SNX15: variants seen among roughly 807,000 people sequenced by gnomAD.
SNX15 encodes sorting nexin-15.
Under a neutral mutation model 35.2 loss-of-function variants are expected in SNX15, and 29 were observed. The ratio of observed to expected loss-of-function variants is 0.82; its 90% CI spans 0.61 to 1.12. SNX15 has a LOEUF of 1.12. Among genes scored for constraint, SNX15 ranks in the 50% most tolerant of loss-of-function variants. SNX15 has a pLI of 0.00. For missense variants in SNX15, 400 were observed against 451.5 expected, an observed-to-expected ratio of 0.89 and a Z score of 1.03; for synonymous variants, 189 against 188.2, an observed-to-expected ratio of 1.00 and a Z score of -0.03.
intron 7 of SNX15, among the ~76,000 whole-genome samples, 200 bp downstream of exon 7, chr11:65,039,029 CTTTTTT>C (rs747153458): frequency 2.8e-5 from 2 of 72,528 alleles, no homozygotes; most frequent in African/African-American, 4.6e-5. Context: ...TCTTCTTCCT[CTTTTTT>C]TTTTTTTTTT....
chr11:65,034,683 C>T (rs1258397577), intron 3 of SNX15, among the ~76,000 whole-genome samples, 164 bp from the exon 4 acceptor site: 1 of 152,124 alleles, frequency 6.6e-6, no homozygotes, highest in African/African-American at 2.4e-5. Flanking sequence ...CCTGGAAGCC[C>T]CTACCTCACC....
chr11:65,035,751 C>A, intron 6 of SNX15, 88 bp downstream of exon 6: 1 of 1,361,636 alleles, frequency 7.3e-7, no homozygotes, highest in Non-Finnish European at 1.0e-6. Flanking sequence ...CTGCTCAGTG[C>A]CTGCGCAGAT....
At chr11:65,028,931 A>G (rs1946406774) in intron 1 of SNX15, among the ~76,000 whole-genome samples, 1 of 151,654 alleles carries the variant, frequency 6.6e-6, no homozygotes, top group Non-Finnish European at 1.5e-5. Flanking sequence ...ATCTCTACTA[A>G]AAATACAAAA....
intron 3 of SNX15, 64 bp from the exon 4 acceptor site, chr11:65,034,783 C>T: frequency 7.7e-7 from 1 of 1,306,142 alleles, no homozygotes; most frequent in South Asian, 1.2e-5. Flanking sequence ...GAAAAGTGGC[C>T]TTGGGGCAGA....
chr11:65,035,275 C>T, intron 5 of SNX15, 69 bp downstream of exon 5: 3 of 1,403,368 alleles, frequency 2.1e-6, no homozygotes, highest in East Asian at 4.8e-5. Context: ...CACACTCCCT[C>T]CTCAGTGATC....
chr11:65,029,930 A>C (rs941079942), intron 1 of SNX15, among the ~76,000 whole-genome samples: 2 of 151,854 alleles, frequency 1.3e-5, no homozygotes, highest in Non-Finnish European at 2.9e-5. Flanking sequence ...TCTGTCACCC[A>C]CGCTGGTGTG....
At chr11:65,035,740 C>T (rs1946495139) in intron 6 of SNX15, 77 bp downstream of exon 6, 7 of 1,459,834 alleles carry the variant, frequency 4.8e-6, no homozygotes, top group African/African-American at 1.4e-5. Flanking sequence ...GCCCCACTAG[C>T]CTGCTCAGTG....
At chr11:65,036,936 G>C (rs1449845625) in intron 6 of SNX15, 1 of 152,196 alleles carries the variant, frequency 6.6e-6, no homozygotes, top group Non-Finnish European at 1.5e-5. Flanking sequence ...CCGCCTCCCA[G>C]AGTGCTGAGA....
At chr11:65,031,312 C>G (rs960026178) in intron 1 of SNX15, among the ~76,000 whole-genome samples, 1 of 152,236 alleles carries the variant, frequency 6.6e-6, no homozygotes, top group Admixed American at 6.5e-5. Flanking sequence ...GTGTGAGCCA[C>G]CGTGCCTGGC....
Position 65,039,824 on chromosome 11 carries a change from T to G in SNX15, c.*32T>G. The G allele has an allele frequency of 2.1e-6, 3 of 1,428,382 alleles. No individual in the cohort carries two copies. The South Asian group carries it at 3.6e-5, about 17-fold the overall frequency. 88.5% of individuals were successfully genotyped at this position (1,428,382 alleles called of 1,614,324 possible). A position where few individuals can be genotyped will look rare whatever the true frequency, so the allele number is the denominator to read the frequency against. On this transcript the variant is annotated 3_prime_UTR_variant, in exon 8 of 8. Coordinates refer to ENST00000377244, the MANE Select transcript of SNX15 (RefSeq NM_013306.5). ...GTGGGCCATTCCCTGGGACTCTCGC[T>G]CCTGCACTGCCAGCCCCTTCTCCTC...
intron 6 of SNX15, chr11:65,038,165 C>A: frequency 3.2e-6 from 2 of 631,774 alleles, no homozygotes; most frequent in Non-Finnish European, 4.0e-6. Flanking sequence ...TTCTCTAAGT[C>A]TCCTATTCTA....
intron 6 of SNX15, chr11:65,037,088 T>C (rs1946511847): frequency 6.6e-6 from 1 of 152,276 alleles, no homozygotes; most frequent in African/African-American, 2.4e-5. Flanking sequence ...AGGGCTGTTA[T>C]GCCTGGCCTC....
chr11:65,030,840 T>TTTTA (rs1946432704), intron 1 of SNX15, among the ~76,000 whole-genome samples: 1 of 152,000 alleles, frequency 6.6e-6, no homozygotes, highest in Non-Finnish European at 1.5e-5. Context: ...TACCAGAATA[T>TTTTA]TTTAGGCAAG....
Position 65,032,518 on chromosome 11 carries a change from G to GAGTT in SNX15, c.224_227dup (p.Phe76LeufsTer15). ...CCGCAACCTCTTCCGCCGCCTCGAGGAGTTCCCTGCTTTCCCCCGGGCCCA... is the reference window on the plus strand; with the variant it reads ...CCGCAACCTCTTCCGCCGCCTCGAGGAGTTAGTTCCCTGCTTTCCCCCGGGCCCA... On this transcript the variant is annotated frameshift_variant, in exon 3 of 8. Coordinates refer to ENST00000377244, the MANE Select transcript of SNX15 (RefSeq NM_013306.5). LOFTEE classifies it high-confidence loss of function. The GAGTT allele has an allele frequency of 6.2e-7, 1 of 1,614,170 alleles. No homozygotes were observed. Among genetic ancestry groups the GAGTT allele is most frequent in the Non-Finnish European group, 8.5e-7 (1 of 1,180,028 alleles).
chr11:65,029,874 GC>G (rs1946421404), intron 1 of SNX15, among the ~76,000 whole-genome samples: 1 of 151,812 alleles, frequency 6.6e-6, no homozygotes, highest in South Asian at 2.1e-4. Context: ...ACCGCGCCTG[GC>G]CTATATTTTT....
intron 6 of SNX15, chr11:65,036,756 C>T (rs1946508184): frequency 6.9e-6 from 1 of 144,894 alleles, no homozygotes; most frequent in African/African-American, 2.6e-5. Context: ...TCACTCCCAC[C>T]TCCGCCTCCC....
chr11:65,039,807 T>G lies in SNX15; in HGVS notation c.*15T>G. On this transcript the variant is annotated 3_prime_UTR_variant, in exon 8 of 8. Transcript: ENST00000377244. ...TCCCACCCTAACAGGGAGTGGGCCA[T>G]TCCCTGGGACTCTCGCTCCTGCACT... is the stretch of plus-strand genomic sequence containing the variant. The G allele has an allele frequency of 5.8e-6, 9 of 1,546,186 alleles. No individual in the cohort carries two copies. The highest frequency in any genetic ancestry group is 1.1e-5 in the South Asian group (1 of 87,724).
At chr11:65,037,136 G>C (rs996699401) in intron 6 of SNX15, 5 of 152,222 alleles carry the variant, frequency 3.3e-5, no homozygotes, top group Non-Finnish European at 5.9e-5. Flanking sequence ...CCTTGTGCCA[G>C]CTGAGTCCCT....
intron 1 of SNX15, 143 bp downstream of exon 1, chr11:65,027,779 C>G (rs1236827149): frequency 6.2e-6 from 4 of 644,166 alleles, no homozygotes; most frequent in African/African-American, 5.5e-5. Flanking sequence ...CAGTACGAGG[C>G]TTAGTTTACA....
Sources: allele counts gnomAD v4.1 joint callset (sites outside exome capture counted in the v4.1 genomes callset), GRCh38; gene constraint gnomAD v4.1.1; transcripts MANE v1.5; gene names NCBI Gene and HGNC (gene_info 2026-07-23, HGNC 2026-07-21).